The following VPS13C variants were observed in gnomAD, a reference collection of about 807,000 sequenced individuals.
VPS13C encodes the protein vacuolar protein sorting 13 homolog C.
A neutral mutation model predicts 456.8 loss-of-function variants in VPS13C; 358 were observed. That is an observed-to-expected ratio of 0.78 (90% CI 0.72 to 0.86). VPS13C has a LOEUF of 0.86. Ranked by LOEUF, VPS13C falls within the 40% of genes least tolerant of loss-of-function variation. The pLI, the probability that VPS13C is intolerant of heterozygous loss-of-function variation, is 0.00. For synonymous variants in VPS13C, 1,578 were observed against 1,486.7 expected (o/e 1.06, Z -1.41); for missense variants, 4,818 against 4,385.4 (o/e 1.10, Z -2.79).
intron 16 of VPS13C, among the ~76,000 whole-genome samples, chr15:61,993,812 C>T (rs1278173819): frequency 6.6e-6 from 1 of 152,054 alleles, no homozygotes; most frequent in Non-Finnish European, 1.5e-5. Context: ...CAGAACTATA[C>T]ACACACATCA....
chr15:62,032,074 T>C (rs1267320324), intron 5 of VPS13C, among the ~76,000 whole-genome samples: 2 of 151,908 alleles, frequency 1.3e-5, no homozygotes, highest in Non-Finnish European at 2.9e-5. Flanking sequence ...GATAAATGTG[T>C]AATTATGCTA....
At chr15:62,018,338 T>G (rs1195647667) in intron 9 of VPS13C, among the ~76,000 whole-genome samples, 1 of 151,988 alleles carries the variant, frequency 6.6e-6, no homozygotes, top group Non-Finnish European at 1.5e-5. Context: ...ATAGGAGTGG[T>G]GAGAGAGGGC....
intron 19 of VPS13C, 109 bp from the exon 20 acceptor site, chr15:61,984,121 A>G (rs1371162842): frequency 4.2e-6 from 4 of 955,034 alleles, no homozygotes; most frequent in Middle Eastern, 3.3e-4. Flanking sequence ...AGGACCATCC[A>G]TGCACATTAT....
rs1894057495 is a variant in VPS13C at position 61,858,611 on chromosome 15, G to C, written c.10953-2202C>G. ...TAATGGATTTTACTTCCAAGATTAG[G>C]TTATTATAAGGCACAGGTGACTCTG... On this transcript the variant is annotated intron_variant, in intron 82 of 84. Coordinates refer to ENST00000644861, the MANE Select transcript of VPS13C (RefSeq NM_020821.3). This position sits in a 1 kb window ranked among gnomAD's most constrained non-coding sequence, Gnocchi z 4.4. Among the ~76,000 whole-genome samples, 1 of 152,134 alleles carries C rather than the reference G, an allele frequency of 6.6e-6. No homozygotes were observed. Among genetic ancestry groups the C allele is most frequent in the Non-Finnish European group, 1.5e-5 (1 of 68,024 alleles).
In VPS13C at chr15:61,931,187, C is replaced by T; in HGVS notation, c.5941G>A (p.Gly1981Arg). The T allele has an allele frequency of 6.2e-7, 1 of 1,614,140 alleles. No individual in the cohort carries two copies. The highest frequency in any genetic ancestry group is 8.5e-7 in the Non-Finnish European group (1 of 1,180,034). ...ELRLHLMASS[G>R]KMFKDGSMNV... is the part of the protein sequence containing the mutation. ...ATTGAGCCATCCTTAAACATCTTCCCTGAGGAGGCCATAAGATGTAGTCTG... is the reference window on the plus strand; with the variant it reads ...ATTGAGCCATCCTTAAACATCTTCCTTGAGGAGGCCATAAGATGTAGTCTG... Residue 1981 changes from glycine (G) to arginine (R), a missense_variant, in exon 50 of 85, where the codon GGG (glycine) becomes AGG (arginine). By Grantham distance (125) the Gly-to-Arg change is moderately radical. This residue lies in a region of VPS13C where 4,552 missense variants were observed against 4,130.6 expected (regional missense o/e 1.10). Coordinates refer to ENST00000644861, the MANE Select transcript of VPS13C (RefSeq NM_020821.3).
At chr15:61,872,404 T>C (rs986144161) in intron 78 of VPS13C, among the ~76,000 whole-genome samples, 3 of 152,078 alleles carry the variant, frequency 2.0e-5, no homozygotes, top group Admixed American at 1.3e-4. Flanking sequence ...ATATTTACTA[T>C]CTAATTATAA....
intron 80 of VPS13C, among the ~76,000 whole-genome samples, chr15:61,868,999 A>T (rs975816094): frequency 6.6e-6 from 1 of 152,192 alleles, no homozygotes; most frequent in East Asian, 1.9e-4. Context: ...GGCCTAGCTC[A>T]TCTACTCTTT....
At position 61,974,434 on chromosome 15, in the gene VPS13C, G is replaced by A; in HGVS notation, c.2409-17C>T. The A allele has an allele frequency of 6.2e-7, 1 of 1,609,068 alleles. No individual in the cohort carries two copies. The highest frequency in any genetic ancestry group is 1.1e-5 in the South Asian group (1 of 90,676). On this transcript the variant is annotated splice_polypyrimidine_tract_variant and intron_variant, in intron 24 of 84. Transcript: ENST00000644861. ...ACTTTAAATCTAAAAATACAATTCA[G>A]TGGTTTTAAGTCAGCATCTCTACAT...
intron 6 of VPS13C, among the ~76,000 whole-genome samples, chr15:62,024,117 C>T (rs1260530646): frequency 6.6e-6 from 1 of 151,968 alleles, no homozygotes; most frequent in Non-Finnish European, 1.5e-5. Flanking sequence ...AATCTCCATT[C>T]CCAATGCCAT....
chr15:62,017,124 G>C (rs985535793), intron 9 of VPS13C, among the ~76,000 whole-genome samples: 1 of 151,500 alleles, frequency 6.6e-6, no homozygotes, highest in Admixed American at 6.6e-5. Flanking sequence ...TCGCACACTT[G>C]TTGATGGGGT....
intron 66 of VPS13C, chr15:61,906,989 C>A: frequency 3.0e-6 from 1 of 337,218 alleles, no homozygotes; most frequent in Non-Finnish European, 5.5e-6. Flanking sequence ...CAATTCCTTC[C>A]TTTTAAAATA....
chr15:61,932,098 A>C (rs1476036428), intron 49 of VPS13C, among the ~76,000 whole-genome samples: 1 of 152,224 alleles, frequency 6.6e-6, no homozygotes, highest in Non-Finnish European at 1.5e-5. Context: ...TTATTCATTC[A>C]TATTTATATC....
In VPS13C at chr15:61,947,201, T is replaced by TTA; in HGVS notation, c.4866_4867dup (p.Lys1623IlefsTer12). On this transcript the variant is annotated frameshift_variant, in exon 43 of 85. Coordinates refer to ENST00000644861, the MANE Select transcript of VPS13C (RefSeq NM_020821.3). LOFTEE classifies it high-confidence loss of function. ...AAGAAGTAACTACTTACCATGTATT[T>TTA]TAATATCTGCAATGTTACACTTCTG... The TTA allele has an allele frequency of 6.4e-7, 1 of 1,573,416 alleles. No homozygotes were observed. The highest frequency in any genetic ancestry group is 8.6e-7 in the Non-Finnish European group (1 of 1,161,794).
chr15:61,859,254 C>T (rs1894094203), intron 82 of VPS13C, among the ~76,000 whole-genome samples: 1 of 151,804 alleles, frequency 6.6e-6, no homozygotes, highest in African/African-American at 2.4e-5. Flanking sequence ...ACCAAGTATG[C>T]AAGAGGCCAA....
intron 81 of VPS13C, chr15:61,866,943 G>A: frequency 7.1e-6 from 7 of 984,280 alleles, no homozygotes; most frequent in Non-Finnish European, 8.4e-6. Flanking sequence ...CATGAAAGTT[G>A]CTAGATAAGA....
chr15:61,855,062 C>T (rs1264714506), intron 83 of VPS13C, 108 bp from the exon 84 acceptor site: 2 of 831,616 alleles, frequency 2.4e-6, no homozygotes, highest in African/African-American at 3.5e-5. Flanking sequence ...AACAAGTAGG[C>T]TAACCAAATA....
intron 15 of VPS13C, among the ~76,000 whole-genome samples, chr15:62,002,695 T>C (rs562773472): frequency 1.0e-5 from 1 of 98,720 alleles, no homozygotes; most frequent in Admixed American, 1.2e-4. Flanking sequence ...TTGATTTTTG[T>C]ATAAGGTGTA....
chr15:61,946,648 C>CAA (rs5813127), intron 43 of VPS13C, among the ~76,000 whole-genome samples: 54 of 144,182 alleles, frequency 3.7e-4, no homozygotes, highest in South Asian at 6.4e-4. Flanking sequence ...ATTTTAAAAC[C>CAA]AAAAAAAAAA....
chr15:61,974,173 C>T (rs2045635988), intron 25 of VPS13C, 115 bp downstream of exon 25: 2 of 1,077,926 alleles, frequency 1.9e-6, no homozygotes, highest in Admixed American at 3.2e-5. Context: ...AGACATTTTA[C>T]TTTCATTTCT....
Sources: allele counts gnomAD v4.1 joint callset (sites outside exome capture counted in the v4.1 genomes callset), GRCh38; gene constraint gnomAD v4.1.1; regional missense constraint gnomAD v4.1.1; non-coding constraint Gnocchi (gnomAD v3.1); transcripts MANE v1.5; gene names NCBI Gene and HGNC (gene_info 2026-07-23, HGNC 2026-07-21).